PCTP: variants seen among roughly 807,000 people sequenced by gnomAD.
PCTP encodes START domain-containing protein 2.
In PCTP, 27 loss-of-function variants were observed where a neutral mutation model predicts 31.0. That is an observed-to-expected ratio of 0.87 (90% CI 0.64 to 1.20). The LOEUF (loss-of-function observed/expected upper bound fraction) is 1.20, where lower values mean the gene tolerates loss of function less well. PCTP is among the 50% of genes most tolerant of loss of function. The probability of loss-of-function intolerance (pLI) is 0.00; values close to 1 mark genes in which losing one functional copy is unlikely to be tolerated. For synonymous variants in PCTP, 108 were observed against 101.2 expected (o/e 1.07, Z -0.40); for missense variants, 287 against 268.2 (o/e 1.07, Z -0.49).
intron 3 of PCTP, among the ~76,000 whole-genome samples, chr17:55,812,489 T>C (rs954013468): frequency 4.6e-5 from 7 of 152,166 alleles, no homozygotes; most frequent in African/African-American, 1.7e-4. Context: ...ACATGCAATG[T>C]GGGAGTGCCA....
chr17:55,788,436 G>A (rs1011329100), intron 3 of PCTP, among the ~76,000 whole-genome samples: 3 of 152,052 alleles, frequency 2.0e-5, no homozygotes, highest in Non-Finnish European at 4.4e-5. Flanking sequence ...TTACTTATGG[G>A]GATTATGTTA....
intron 5 of PCTP, among the ~76,000 whole-genome samples, chr17:55,835,975 C>T (rs1905764654): frequency 6.6e-6 from 1 of 152,180 alleles, no homozygotes; most frequent in South Asian, 2.1e-4. Flanking sequence ...AAAACACTTG[C>T]TGAATGGGAG....
At chr17:55,845,928 A>C (rs9893332), downstream of PCTP, among the ~76,000 whole-genome samples, 1 of 97,960 alleles carries the variant, frequency 1.0e-5, no homozygotes, top group East Asian at 3.1e-4. Flanking sequence ...GTGTGTGTGT[A>C]TGTGTGTGTG....
intron 1 of PCTP, among the ~76,000 whole-genome samples, chr17:55,763,600 TAAG>T (rs66963376): frequency 0.11 from 17,422 of 152,076 alleles, 1,124 homozygotes; most frequent in African/African-American, 0.17. Flanking sequence ...TAGTTAAAAA[TAAG>T]AATACAAACT....
At chr17:55,830,892 T>C (rs921339167) in intron 5 of PCTP, among the ~76,000 whole-genome samples, 9 of 152,066 alleles carry the variant, frequency 5.9e-5, no homozygotes, top group African/African-American at 2.2e-4. Flanking sequence ...AGTATAATAG[T>C]CCTGCAGGAG....
exon 4 of PCTP, chr17:55,822,945 A>G: frequency 1.6e-6 from 1 of 624,040 alleles, no homozygotes; most frequent in Non-Finnish European, 2.3e-6. Context: ...TTCTTATCTC[A>G]TTGTTTTTTC....
chr17:55,813,267 G>A (rs764616421), intron 3 of PCTP, among the ~76,000 whole-genome samples: 5 of 152,082 alleles, frequency 3.3e-5, no homozygotes, highest in African/African-American at 4.8e-5. Context: ...AAAGAAGTAC[G>A]TTATTTATTT....
chr17:55,828,702 G>C (rs1486224002), intron 5 of PCTP, among the ~76,000 whole-genome samples: 1 of 152,162 alleles, frequency 6.6e-6, no homozygotes, highest in Admixed American at 6.5e-5. Context: ...TGCCCAAAAG[G>C]GCTGGCTTCT....
intron 2 of PCTP, 106 bp from the exon 3 acceptor site, chr17:55,770,999 CT>C: frequency 1.3e-6 from 1 of 793,016 alleles, no homozygotes; most frequent in South Asian, 1.6e-5. Flanking sequence ...TCAAAAAGTG[CT>C]GGGATTACAG....
In PCTP at chr17:55,776,329, G is replaced by A. The variant is rs971737511; in HGVS notation, c.*229G>A. ...AGCTCACTCGTCTGCTTCCTTTCTC[G>A]CTCCCCCCATCCTGGGCTGGGCTGC... On this transcript the variant is annotated 3_prime_UTR_variant, in exon 6 of 6. Coordinates refer to ENST00000268896, the MANE Select transcript of PCTP (RefSeq NM_021213.4). 8.9e-6 allele frequency: 12 copies of A among 1,354,920 alleles called. No homozygotes were observed. Among genetic ancestry groups the A allele is most frequent in the South Asian group, 2.0e-5 (1 of 49,290 alleles). 83.9% of individuals were successfully genotyped at this position (1,354,920 alleles called of 1,614,324 possible).
rs1366797696 is a variant in PCTP, at chr17:55,776,668, T to C, written c.*568T>C. The C allele has an allele frequency of 1.6e-6, 2 of 1,226,832 alleles. No individual in the cohort carries two copies. The highest frequency in any genetic ancestry group is 2.0e-6 in the Non-Finnish European group (2 of 985,480). The allele number at this position is 1,226,832 out of a possible 1,614,324, so 76.0% of individuals were successfully genotyped here. On this transcript the variant is annotated 3_prime_UTR_variant, in exon 6 of 6. Transcript: ENST00000268896. Reference sequence around the variant, plus strand: ...TTTGTGGAGCTGATTAGGCTGGGATTTGAGGTGATAATCCAGTAAGTCTTT... The same window carrying C: ...TTTGTGGAGCTGATTAGGCTGGGATCTGAGGTGATAATCCAGTAAGTCTTT...
At chr17:55,831,281 G>A (rs1174931995) in intron 5 of PCTP, among the ~76,000 whole-genome samples, 1 of 152,198 alleles carries the variant, frequency 6.6e-6, no homozygotes, top group Non-Finnish European at 1.5e-5. Context: ...GGAGGTTCAG[G>A]AGAGCTTATT....
intron 3 of PCTP, among the ~76,000 whole-genome samples, chr17:55,816,068 C>T (rs979866927): frequency 6.6e-6 from 1 of 152,160 alleles, no homozygotes; most frequent in Non-Finnish European, 1.5e-5. Context: ...CAAGGTTCTT[C>T]TTCTTTAATT....
downstream of PCTP, among the ~76,000 whole-genome samples, chr17:55,779,045 G>A (rs2144982422): frequency 6.6e-6 from 1 of 152,236 alleles, no homozygotes; most frequent in Admixed American, 6.5e-5. Context: ...ACTTGCAAGA[G>A]ATGAGGCAGG....
chr17:55,835,613 T>C (rs1294204751), intron 5 of PCTP, among the ~76,000 whole-genome samples: 2 of 152,166 alleles, frequency 1.3e-5, no homozygotes, highest in East Asian at 1.9e-4. Context: ...AATGCAGAGA[T>C]AGTCTCACTT....
chr17:55,754,683 A>T (rs1015554137), intron 1 of PCTP, among the ~76,000 whole-genome samples: 1 of 152,210 alleles, frequency 6.6e-6, no homozygotes, highest in Non-Finnish European at 1.5e-5. Context: ...TCCATGCGAC[A>T]TTCCTTCTTC....
At chr17:55,764,345 T>G (rs1190440180) in intron 1 of PCTP, among the ~76,000 whole-genome samples, 1 of 152,116 alleles carries the variant, frequency 6.6e-6, no homozygotes, top group Non-Finnish European at 1.5e-5. Flanking sequence ...TGTGTATGAG[T>G]GTAAATGTGT....
At chr17:55,848,721 C>G in the PCTP span, among the ~76,000 whole-genome samples, 1 of 152,168 alleles carries the variant, frequency 6.6e-6, no homozygotes, top group South Asian at 2.1e-4. Context: ...CCCTTACCAG[C>G]TTCAGGATAA....
At position 55,767,362 on chromosome 17, in the gene PCTP, T is replaced by C; in HGVS notation, c.169T>C (p.Phe57Leu). The change falls in exon 2 of 6, where the codon TTT becomes CTT. Residue 57 changes from phenylalanine (F) to leucine (L), a missense_variant. By Grantham distance (22) the Phe-to-Leu change is conservative. Transcript: ENST00000268896. ...KKTGLYEYKVFGVLEDCSPTL... is the reference protein window; with the variant it reads ...KKTGLYEYKVLGVLEDCSPTL... Reference sequence around the variant, plus strand: ...GACTGGACTTTATGAGTATAAAGTCTTTGGTGTTCTGGAGGACTGCTCACC... The same window carrying C: ...GACTGGACTTTATGAGTATAAAGTCCTTGGTGTTCTGGAGGACTGCTCACC... 3.1e-6 allele frequency: 5 copies of C among 1,612,616 alleles called. No homozygotes were observed. The African/African-American group carries it at 5.3e-5, about 17-fold the overall frequency.
Sources: gnomAD v4.1 joint callset for allele counts (sites outside exome capture counted in the v4.1 genomes callset) on GRCh38, gnomAD v4.1.1 for gene constraint, MANE v1.5 for transcripts, NCBI Gene and HGNC (gene_info 2026-07-23, HGNC 2026-07-21) for gene names.